The following MAPK8IP1 variants were observed in gnomAD, a reference collection of about 807,000 sequenced individuals.
MAPK8IP1 encodes the protein mitogen-activated protein kinase 8 interacting protein 1.
Under a neutral mutation model 72.6 loss-of-function variants are expected in MAPK8IP1, and 17 were observed. That is an observed-to-expected ratio of 0.23 (90% confidence interval 0.16 to 0.35). The LOEUF is 0.35. Among genes scored for constraint, MAPK8IP1 ranks in the 10% least tolerant of loss-of-function variants. The pLI is 1.00. For missense variants in MAPK8IP1, 789 were observed against 1,009.7 expected (o/e 0.78, Z 2.96); for synonymous variants, 401 against 443.4 (o/e 0.90, Z 1.20).
chr11:45,887,379 C>A (rs879578015), intron 1 of MAPK8IP1, among the ~76,000 whole-genome samples: 4 of 152,212 alleles, frequency 2.6e-5, no homozygotes, highest in Admixed American at 2.6e-4. Context: ...CACTACGGCT[C>A]GCTGCTGTCC....
intron 1 of MAPK8IP1, among the ~76,000 whole-genome samples, chr11:45,892,862 T>A (rs2086577433): frequency 6.6e-6 from 1 of 151,902 alleles, no homozygotes. Context: ...TGGTGGAGAG[T>A]GGCTGGTAGA....
chr11:45,898,956 C>T (rs922451985), intron 2 of MAPK8IP1, among the ~76,000 whole-genome samples: 2 of 152,206 alleles, frequency 1.3e-5, no homozygotes, highest in Admixed American at 1.3e-4. Context: ...CCCAGAGCTC[C>T]TCTGAGCCCC....
rs2086647789 is a variant in MAPK8IP1 at position 45,900,864 on chromosome 11, G to T, written c.522+412G>T. Among the ~76,000 whole-genome samples, 1 of 152,120 alleles carries T rather than the reference G, an allele frequency of 6.6e-6. No individual in the cohort carries two copies. The highest frequency in any genetic ancestry group is 1.5e-5 in the Non-Finnish European group (1 of 68,020). ...CCTGGAGAAAAGGGCATCTGAAATG[G>T]TCATCGTGGGGGAGGCCGTGGGAGA... On this transcript the variant is annotated intron_variant, in intron 3 of 11. Transcript: ENST00000241014. This position sits in a 1 kb window ranked among gnomAD's most constrained non-coding sequence, Gnocchi z 6.5.
At position 45,898,137 on chromosome 11, in the gene MAPK8IP1, A is replaced by G; in HGVS notation, c.154A>G (p.Ile52Val). 1 of 1,613,800 alleles carries G rather than the reference A, an allele frequency of 6.2e-7. No individual in the cohort carries two copies. Among genetic ancestry groups the G allele is most frequent in the East Asian group, 2.2e-5 (1 of 44,844 alleles). Residue 52 changes from isoleucine (I) to valine (V), a missense_variant, in exon 2 of 12, where the codon ATC becomes GTC. This residue lies in a region of MAPK8IP1 where 112 missense variants were observed against 111.8 expected (regional missense o/e 1.00). Coordinates refer to ENST00000241014, the MANE Select transcript of MAPK8IP1 (RefSeq NM_005456.4). ...GTTTGAGGATGAAGACCTCTCGGAG[A>G]TCACTGATGAGTGTGGCATCAGCTT... Reference protein sequence around the residue: ...EEFEDEDLSEITDECGISLQC... With the variant: ...EEFEDEDLSEVTDECGISLQC...
chr11:45,898,302 A>G (rs931242438), intron 2 of MAPK8IP1, 112 bp downstream of exon 2: 7 of 693,392 alleles, frequency 1.0e-5, no homozygotes, highest in Non-Finnish European at 1.8e-5. Flanking sequence ...TGGCACCCTC[A>G]TGAAATGAAA....
chr11:45,896,852 G>A (rs903773321), intron 1 of MAPK8IP1: 69 of 1,548,286 alleles, frequency 4.5e-5, no homozygotes, highest in Admixed American at 5.9e-5. Flanking sequence ...CTGGGGCCCC[G>A]CAGCCCCCCG....
intron 1 of MAPK8IP1, among the ~76,000 whole-genome samples, chr11:45,888,016 G>A (rs972388985): frequency 5.3e-5 from 8 of 152,192 alleles, no homozygotes; most frequent in African/African-American, 1.4e-4. Context: ...TTACCTGTGT[G>A]CCCTGACACT....
At chr11:45,899,774 C>G (rs2086634957) in intron 2 of MAPK8IP1, among the ~76,000 whole-genome samples, 1 of 152,232 alleles carries the variant, frequency 6.6e-6, no homozygotes, top group African/African-American at 2.4e-5. Flanking sequence ...TTGCCCACCC[C>G]ACCCCGAACT....
At chr11:45,894,032 C>T (rs560835722) in intron 1 of MAPK8IP1, among the ~76,000 whole-genome samples, 4 of 152,044 alleles carry the variant, frequency 2.6e-5, no homozygotes, top group Admixed American at 2.6e-4. Flanking sequence ...GTAGTGACCT[C>T]CTACTCACAC....
At position 45,904,428 on chromosome 11, in the gene MAPK8IP1, C is replaced by T. The variant is rs766528463; in HGVS notation, c.1667-27C>T. 2 of 1,580,078 alleles carry T rather than the reference C, an allele frequency of 1.3e-6. No homozygotes were observed. Among genetic ancestry groups the T allele is most frequent in the Non-Finnish European group, 1.7e-6 (2 of 1,150,040 alleles). Reference sequence around the variant, plus strand: ...TCAGCTCCCTCCTGCTCTTTCTGCCCCTCCTCAATTCACGCTTGCTTTCCA... The same window carrying T: ...TCAGCTCCCTCCTGCTCTTTCTGCCTCTCCTCAATTCACGCTTGCTTTCCA... On this transcript the variant is annotated intron_variant, in intron 7 of 11. Transcript: ENST00000241014. The surrounding 1 kb of genome is among the most constrained non-coding windows in gnomAD (Gnocchi z 6.4).
At position 45,903,816 on chromosome 11, in the gene MAPK8IP1, T is replaced by TG. The variant is rs1168791998; in HGVS notation, c.1494-172dup. On this transcript the variant is annotated intron_variant, in intron 6 of 11. Coordinates refer to ENST00000241014, the MANE Select transcript of MAPK8IP1 (RefSeq NM_005456.4). The surrounding 1 kb of genome is among the most constrained non-coding windows in gnomAD (Gnocchi z 6.4). Reference sequence around the variant, plus strand: ...TGGCCTGTGTTTCCTCGATGGCAGATGCATGTCTGCTTGACCTTGCTCTCC... The same window carrying TG: ...TGGCCTGTGTTTCCTCGATGGCAGATGGCATGTCTGCTTGACCTTGCTCTCC... Among the ~76,000 whole-genome samples, 3 of 152,164 alleles carry TG rather than the reference T, an allele frequency of 2.0e-5. No individual in the cohort carries two copies. The highest frequency in any genetic ancestry group is 6.5e-5 in the Admixed American group (1 of 15,284).
Position 45,904,911 on chromosome 11 carries a change from C to T in MAPK8IP1, c.1894-60C>T. On this transcript the variant is annotated intron_variant, in intron 9 of 11. Transcript: ENST00000241014. This position sits in a 1 kb window ranked among gnomAD's most constrained non-coding sequence, Gnocchi z 6.4. ...AAGACTTGTGATGAAGAGGCCATCT[C>T]CTGTCACCCTCACTGCAGGCCAGGT... 6.3e-7 allele frequency: 1 copy of T among 1,599,732 alleles called. No individual in the cohort carries two copies. Among genetic ancestry groups the T allele is most frequent in the Non-Finnish European group, 8.6e-7 (1 of 1,166,960 alleles).
At chr11:45,905,606 G>T (rs2086701786) in intron 11 of MAPK8IP1, 43 bp from the exon 12 acceptor site, 2 of 1,553,866 alleles carry the variant, frequency 1.3e-6, no homozygotes, top group Admixed American at 1.7e-5. Flanking sequence ...TTCCTCCCTT[G>T]CCAGTGGCGA....
At chr11:45,888,308 C>T (rs765424329) in intron 1 of MAPK8IP1, among the ~76,000 whole-genome samples, 9 of 152,242 alleles carry the variant, frequency 5.9e-5, no homozygotes, top group Non-Finnish European at 7.3e-5. Flanking sequence ...ATTTGGAAGG[C>T]ACTCAGTTCG....
rs1429531665 is a variant in MAPK8IP1, at chr11:45,903,725, C to G, written c.1494-264C>G. Among the ~76,000 whole-genome samples the G allele has an allele frequency of 6.6e-6, 1 of 152,162 alleles. No individual in the cohort carries two copies. Among genetic ancestry groups the G allele is most frequent in the Non-Finnish European group, 1.5e-5 (1 of 68,018 alleles). ...TGCCCACACCCCACCTGACCCTTCT[C>G]TAGACAAAAGCCTGCGCTTCCCACA... On this transcript the variant is annotated intron_variant, in intron 6 of 11. Transcript: ENST00000241014. This position sits in a 1 kb window ranked among gnomAD's most constrained non-coding sequence, Gnocchi z 6.4.
At position 45,902,445 on chromosome 11, in the gene MAPK8IP1, C is replaced by A. The variant is rs1390312493; in HGVS notation, c.678C>A (p.Thr226=). The change falls in exon 5 of 12, where the codon ACC becomes ACA. Residue 226 remains threonine, a synonymous_variant. Transcript: ENST00000241014. This position sits in a 1 kb window ranked among gnomAD's most constrained non-coding sequence, Gnocchi z 9.3. ...CCCCCCAGAGCGGCCCCGCCCCCACCACAGATCGAGGCACCTCCACCGACA... is the reference window on the plus strand; with the variant it reads ...CCCCCCAGAGCGGCCCCGCCCCCACAACAGATCGAGGCACCTCCACCGACA... ...ELPPQSGPAP[T]TDRGTSTDSP... 1.9e-6 allele frequency: 3 copies of A among 1,596,830 alleles called. No homozygotes were observed. Among genetic ancestry groups the A allele is most frequent in the Non-Finnish European group, 2.6e-6 (3 of 1,172,658 alleles).
At chr11:45,886,115 T>C (rs1431028293) in intron 1 of MAPK8IP1, among the ~76,000 whole-genome samples, 194 bp downstream of exon 1, 3 of 152,056 alleles carry the variant, frequency 2.0e-5, no homozygotes, top group African/African-American at 7.2e-5. Context: ...AGCCGTTGCA[T>C]GTTCACGAGG....
Position 45,903,409 on chromosome 11 carries a change from G to A in MAPK8IP1, c.1462G>A (p.Glu488Lys), listed in dbSNP as rs921193460. The A allele has an allele frequency of 2.5e-6, 4 of 1,613,184 alleles. No individual in the cohort carries two copies. Among genetic ancestry groups the A allele is most frequent in the South Asian group, 2.2e-5 (2 of 91,044 alleles). Residue 488 changes from glutamate (E) to lysine (K), a missense_variant, in exon 6 of 12, where the codon GAG becomes AAG. By Grantham distance (56) the Glu-to-Lys change is moderately conservative. This residue lies in a region of MAPK8IP1 where 377 missense variants were observed against 411.7 expected (regional missense o/e 0.92). Transcript: ENST00000241014. The surrounding 1 kb of genome is among the most constrained non-coding windows in gnomAD (Gnocchi z 6.4). ...GTTCTCCTGCATCATCAACGGGGAG[G>A]AGCAGGAGCAGACCCACCGGGCCAT... ...GLFSCIINGE[E>K]QEQTHRAIFR...
rs2086640378 is a variant in MAPK8IP1 at position 45,900,245 on chromosome 11, G to A, written c.315G>A (p.Gly105=). 6.0e-6 allele frequency: 8 copies of A among 1,333,632 alleles called. No individual in the cohort carries two copies. The highest frequency in any genetic ancestry group is 2.7e-4 in the Middle Eastern group (1 of 3,726). 82.6% of individuals were successfully genotyped at this position (1,333,632 alleles called of 1,614,324 possible). The change falls in exon 3 of 12, where the codon GGG becomes GGA. Residue 105 remains glycine, a synonymous_variant. Transcript: ENST00000241014. This position sits in a 1 kb window ranked among gnomAD's most constrained non-coding sequence, Gnocchi z 6.5. ...DLIDATGDTP[G]AEDDEEDDDE... ...TCGACGCGACGGGGGACACTCCCGG[G>A]GCCGAGGACGACGAGGAGGACGACG... is the stretch of plus-strand genomic sequence containing the variant.
Sources: gnomAD v4.1 joint callset for allele counts (sites outside exome capture counted in the v4.1 genomes callset) on GRCh38, gnomAD v4.1.1 for gene constraint, gnomAD v4.1.1 regional missense constraint, Gnocchi (gnomAD v3.1) non-coding constraint, MANE v1.5 for transcripts, NCBI Gene and HGNC (gene_info 2026-07-23, HGNC 2026-07-21) for gene names.